RUNX3: variants seen among roughly 807,000 people sequenced by gnomAD.
The protein encoded by RUNX3 is runt-related transcription factor 3.
Under a neutral mutation model 27.7 loss-of-function variants are expected in RUNX3, and 10 were observed. The observed-to-expected ratio is 0.36, with a 90% CI of 0.22 to 0.61. The LOEUF (loss-of-function observed/expected upper bound fraction) is 0.61, where lower values mean the gene tolerates loss of function less well. Ranked by LOEUF, RUNX3 falls within the 20% of genes least tolerant of loss-of-function variation. RUNX3 has a pLI of 0.72. For missense variants in RUNX3, 469 were observed against 629.5 expected, an observed-to-expected ratio of 0.75 and a Z score of 2.73; for synonymous variants, 270 against 269.2, an observed-to-expected ratio of 1.00 and a Z score of -0.03.
At chr1:24,940,953 T>C (rs1641461828) in intron 2 of RUNX3, among the ~76,000 whole-genome samples, 1 of 152,238 alleles carries the variant, frequency 6.6e-6, no homozygotes, top group Non-Finnish European at 1.5e-5. Flanking sequence ...GTATTTTACA[T>C]GTTTAAAAAT....
chr1:24,923,687 G>C lies in RUNX3; in HGVS notation c.439+3887C>G, dbSNP rs772911880. ...CCGCCCCACCCACAGGAGCTGCATG[G>C]GTGGGGGGAGGGGACGTGTCTCAGT... On this transcript the variant is annotated intron_variant, in intron 2 of 4. Coordinates refer to ENST00000308873, the MANE Select transcript of RUNX3 (RefSeq NM_004350.3). This position sits in a 1 kb window ranked among gnomAD's most constrained non-coding sequence, Gnocchi z 5.9. Among the ~76,000 whole-genome samples the C allele has an allele frequency of 6.6e-6, 1 of 152,096 alleles. No individual in the cohort carries two copies. Among genetic ancestry groups the C allele is most frequent in the Non-Finnish European group, 1.5e-5 (1 of 68,012 alleles).
intron 1 of RUNX3, chr1:24,964,808 C>G: frequency 9.0e-7 from 1 of 1,105,108 alleles, no homozygotes; most frequent in African/African-American, 1.6e-5. Context: ...GAAAAAAATC[C>G]CCAAGGAAAG....
intron 3 of RUNX3, among the ~76,000 whole-genome samples, chr1:24,910,053 G>A (rs1255508358): frequency 6.6e-6 from 1 of 152,220 alleles, no homozygotes; most frequent in Non-Finnish European, 1.5e-5. Context: ...GGGAAGCCGA[G>A]GCGGGCGGAT....
chr1:24,917,826 G>C (rs1640917463), intron 3 of RUNX3, among the ~76,000 whole-genome samples: 1 of 152,188 alleles, frequency 6.6e-6, no homozygotes, highest in East Asian at 1.9e-4. Context: ...TGGCTCATGA[G>C]GGCTTCCCAG....
chr1:24,912,202 G>A (rs552504390), intron 3 of RUNX3, among the ~76,000 whole-genome samples: 6 of 152,206 alleles, frequency 3.9e-5, no homozygotes, highest in Non-Finnish European at 8.8e-5. Flanking sequence ...GTCCTGCTAC[G>A]CCTCAGTTTC....
intron 2 of RUNX3, among the ~76,000 whole-genome samples, chr1:24,956,778 G>A (rs1481178759): frequency 6.6e-6 from 1 of 152,204 alleles, no homozygotes; most frequent in African/African-American, 2.4e-5. Context: ...TTTGGGAATA[G>A]GGGCATGACC....
At chr1:24,946,955 A>T (rs1641623488) in intron 2 of RUNX3, among the ~76,000 whole-genome samples, 1 of 152,194 alleles carries the variant, frequency 6.6e-6, no homozygotes, top group African/African-American at 2.4e-5. Flanking sequence ...TAAGGCCCAG[A>T]TGCTTAGTTC....
At chr1:24,942,301 T>C (rs533349463) in intron 2 of RUNX3, among the ~76,000 whole-genome samples, 2 of 152,248 alleles carry the variant, frequency 1.3e-5, no homozygotes, top group South Asian at 4.1e-4. Flanking sequence ...GTGCTGGGGA[T>C]ACAAGCAATG....
chr1:24,929,045 G>A (rs1488743077), intron 1 of RUNX3: 2 of 457,038 alleles, frequency 4.4e-6, no homozygotes, highest in African/African-American at 4.0e-5. Flanking sequence ...CTCGCCATTC[G>A]GGACGCATAA....
chr1:24,919,912 A>G (rs1318557673), intron 2 of RUNX3, among the ~76,000 whole-genome samples: 1 of 151,874 alleles, frequency 6.6e-6, no homozygotes, highest in Non-Finnish European at 1.5e-5. Flanking sequence ...CTCACATCAG[A>G]AGCACTTTCC....
At chr1:24,955,708 T>C (rs1178827979) in intron 2 of RUNX3, among the ~76,000 whole-genome samples, 2 of 152,152 alleles carry the variant, frequency 1.3e-5, no homozygotes, top group African/African-American at 4.8e-5. Flanking sequence ...GCCTCCTCTC[T>C]GAGTGTCAGT....
At chr1:24,959,247 G>A (rs1436104338) in intron 2 of RUNX3, among the ~76,000 whole-genome samples, 1 of 152,342 alleles carries the variant, frequency 6.6e-6, no homozygotes, top group Admixed American at 6.5e-5. Context: ...GCCAGAGTGG[G>A]TGCGGTGAGG....
In RUNX3 at chr1:24,902,160, G is replaced by T; in HGVS notation, c.1210C>A (p.Pro404Thr). Residue 404 changes from proline (P) to threonine (T), a missense_variant, in exon 5 of 5, where the codon CCA becomes ACA. Physicochemically the swap from Pro to Thr is conservative, Grantham distance 38. Transcript: ENST00000308873. The surrounding 1 kb of genome is among the most constrained non-coding windows in gnomAD (Gnocchi z 9.2). The part of the protein sequence containing the change: ...HSNSPTALST[P>T]GRMDEAVWRP... ...CACACGGCCTCATCCATGCGGCCTG[G>T]CGTGCTCAGGGCCGTGGGTGAGTTG... The T allele has an allele frequency of 1.3e-6, 2 of 1,571,308 alleles. No individual in the cohort carries two copies.
In RUNX3 at chr1:24,929,927, C is replaced by G; in HGVS notation, c.-59G>C. The G allele has an allele frequency of 8.2e-7, 1 of 1,225,102 alleles. No individual in the cohort carries two copies. The highest frequency in any genetic ancestry group is 1.0e-6 in the Non-Finnish European group (1 of 984,922). The allele number at this position is 1,225,102 out of a possible 1,614,324, so 75.9% of individuals were successfully genotyped here. A position where few individuals can be genotyped will look rare whatever the true frequency, so the allele number is the denominator to read the frequency against. On this transcript the variant is annotated 5_prime_UTR_variant, in exon 1 of 5. Coordinates refer to ENST00000308873, the MANE Select transcript of RUNX3 (RefSeq NM_004350.3). ...ACGGCGCGGCTTCCCCCGGGGGCGGCCGGCGCGGGCGCCTCCTCGGCCGCC... is the reference window on the plus strand; with the variant it reads ...ACGGCGCGGCTTCCCCCGGGGGCGGGCGGCGCGGGCGCCTCCTCGGCCGCC...
chr1:24,955,332 CG>C (rs1641889384), intron 2 of RUNX3, among the ~76,000 whole-genome samples: 1 of 152,096 alleles, frequency 6.6e-6, no homozygotes, highest in Non-Finnish European at 1.5e-5. Context: ...GAGAGTTTGA[CG>C]GGCTGGTTTG....
At position 24,904,075 on chromosome 1, in the gene RUNX3, C is replaced by T. The variant is rs1000688792; in HGVS notation, c.704-1409G>A. Among the ~76,000 whole-genome samples, 3 of 152,148 alleles carry T rather than the reference C, an allele frequency of 2.0e-5. No homozygotes were observed. The highest frequency in any genetic ancestry group is 7.2e-5 in the African/African-American group (3 of 41,428). On this transcript the variant is annotated intron_variant, in intron 4 of 4. Transcript: ENST00000308873. The surrounding 1 kb of genome is among the most constrained non-coding windows in gnomAD (Gnocchi z 5.7). ...AAGTTGAGGCCCTGGTGCAGGGCCTCCCTTCTACTCTGGCAGCCGGGGGAG... is the reference window on the plus strand; with the variant it reads ...AAGTTGAGGCCCTGGTGCAGGGCCTTCCTTCTACTCTGGCAGCCGGGGGAG...
intron 2 of RUNX3, among the ~76,000 whole-genome samples, chr1:24,925,967 G>A (rs1336783800): frequency 6.6e-6 from 1 of 152,136 alleles, no homozygotes; most frequent in Non-Finnish European, 1.5e-5. Flanking sequence ...TGTGCAGAAT[G>A]GCCAGACAAG....
Position 24,901,908 on chromosome 1 carries a change from C to A in RUNX3, c.*214G>T. 3.8e-6 allele frequency: 2 copies of A among 531,452 alleles called. No individual in the cohort carries two copies. Among genetic ancestry groups the A allele is most frequent in the South Asian group, 6.0e-5 (2 of 33,218 alleles). 32.9% of individuals were successfully genotyped at this position (531,452 alleles called of 1,614,324 possible). On this transcript the variant is annotated 3_prime_UTR_variant, in exon 5 of 5. Coordinates refer to ENST00000308873, the MANE Select transcript of RUNX3 (RefSeq NM_004350.3). ...CCAGGATCTGGGCCGGGGGCAGTAT[C>A]CCGGGCCGGGGTGGGGGTGGTAACC... is the stretch of plus-strand genomic sequence containing the variant.
intron 3 of RUNX3, among the ~76,000 whole-genome samples, chr1:24,917,022 G>A (rs765088783): frequency 6.6e-6 from 1 of 152,220 alleles, no homozygotes; most frequent in Non-Finnish European, 1.5e-5. Flanking sequence ...GCAGGGCTGA[G>A]TCTCCATGCT....
Sources: allele counts gnomAD v4.1 joint callset (sites outside exome capture counted in the v4.1 genomes callset), GRCh38; gene constraint gnomAD v4.1.1; non-coding constraint Gnocchi (gnomAD v3.1); transcripts MANE v1.5; gene names NCBI Gene and HGNC (gene_info 2026-07-23, HGNC 2026-07-21).